SCARB2: variants seen among roughly 807,000 people sequenced by gnomAD.
SCARB2 encodes scavenger receptor class B member 2.
In SCARB2, 29 loss-of-function variants were observed where a neutral mutation model predicts 58.6. The ratio of observed to expected loss-of-function variants is 0.49; its 90% CI spans 0.37 to 0.67. The LOEUF (loss-of-function observed/expected upper bound fraction) is 0.67. SCARB2 is among the 30% of genes least tolerant of loss of function. SCARB2 has a pLI of 0.00. For missense variants in SCARB2, 488 were observed against 578.5 expected, an observed-to-expected ratio of 0.84 and a Z score of 1.60; for synonymous variants, 195 against 210.1, an observed-to-expected ratio of 0.93 and a Z score of 0.62.
intron 2 of SCARB2, among the ~76,000 whole-genome samples, chr4:76,182,332 T>C (rs1255951574): frequency 6.6e-6 from 1 of 152,204 alleles, no homozygotes; most frequent in African/African-American, 2.4e-5. Context: ...GTAAAATATA[T>C]ACAGAATTTC....
intron 3 of SCARB2, 110 bp downstream of exon 3, chr4:76,180,844 A>G (rs1184499261): frequency 3.5e-6 from 3 of 851,158 alleles, no homozygotes; most frequent in Non-Finnish European, 5.3e-6. Flanking sequence ...TTATATATGT[A>G]TATTTCAACA....
intron 1 of SCARB2, among the ~76,000 whole-genome samples, chr4:76,209,426 G>C (rs1732995057): frequency 1.3e-5 from 2 of 151,732 alleles, no homozygotes; most frequent in Non-Finnish European, 2.9e-5. Context: ...TGGAGTTCAA[G>C]GGAGCCATCT....
At chr4:76,197,663 A>G (rs1732741803) in intron 1 of SCARB2, among the ~76,000 whole-genome samples, 1 of 152,230 alleles carries the variant, frequency 6.6e-6, no homozygotes, top group African/African-American at 2.4e-5. Flanking sequence ...CTATCTGTTA[A>G]TGGAGAAAAG....
At chr4:76,187,778 T>G (rs1578728107) in intron 2 of SCARB2, among the ~76,000 whole-genome samples, 1 of 152,126 alleles carries the variant, frequency 6.6e-6, no homozygotes, top group Non-Finnish European at 1.5e-5. Flanking sequence ...TACTGCATTT[T>G]CAAGTTGATC....
intron 2 of SCARB2, among the ~76,000 whole-genome samples, chr4:76,183,377 G>A (rs1446327882): frequency 6.6e-6 from 1 of 152,304 alleles, no homozygotes; most frequent in South Asian, 2.1e-4. Context: ...CTGTGCTTCT[G>A]AACTAATGGC....
At chr4:76,184,715 G>A (rs1221395003) in intron 2 of SCARB2, 2 of 296,736 alleles carry the variant, frequency 6.7e-6, no homozygotes, top group Non-Finnish European at 1.3e-5. Context: ...CCAGGAGTTT[G>A]ACGTTACAGT....
At chr4:76,184,279 G>A (rs1240193399) in intron 2 of SCARB2, among the ~76,000 whole-genome samples, 2 of 152,108 alleles carry the variant, frequency 1.3e-5, no homozygotes, top group East Asian at 1.9e-4. Context: ...CCTAAGAAAC[G>A]CCTGTAGGAT....
intron 7 of SCARB2, 75 bp downstream of exon 7, chr4:76,174,069 C>CT (rs1732192528): frequency 6.3e-7 from 1 of 1,575,796 alleles, no homozygotes; most frequent in Non-Finnish European, 8.7e-7. Context: ...CTACGCCCAG[C>CT]TACATATTCT....
At position 76,159,298 on chromosome 4, in the gene SCARB2, T is replaced by C. The variant is rs1731844843; in HGVS notation, c.*2415A>G. 6.6e-6 allele frequency: 1 copy of C among 152,242 alleles called. No individual in the cohort carries two copies. The highest frequency in any genetic ancestry group is 2.4e-5 in the African/African-American group (1 of 41,464). 9.4% of individuals were successfully genotyped at this position (152,242 alleles called of 1,614,324 possible). Reference sequence around the variant, plus strand: ...CAAGAAAATGAGCATGAGAAATAATTCATCTTCAACTTAAAGCCAAATAGG... The same window carrying C: ...CAAGAAAATGAGCATGAGAAATAATCCATCTTCAACTTAAAGCCAAATAGG... On this transcript the variant is annotated 3_prime_UTR_variant, in exon 12 of 12. Transcript: ENST00000264896.
chr4:76,180,890 G>A (rs1261156005), intron 3 of SCARB2, 64 bp downstream of exon 3: 4 of 1,402,274 alleles, frequency 2.9e-6, no homozygotes, highest in Non-Finnish European at 4.0e-6. Context: ...ATCATAAAGA[G>A]CATTAACTTA....
At chr4:76,214,085 G>A, upstream of SCARB2, 1 of 351,490 alleles carries the variant, frequency 2.8e-6, no homozygotes, top group East Asian at 1.0e-4. Context: ...CGAAATTGCC[G>A]AACCTGGTTC....
At chr4:76,192,216 CAGA>C (rs1206462347) in intron 2 of SCARB2, 7 of 152,096 alleles carry the variant, frequency 4.6e-5, no homozygotes, top group Admixed American at 2.0e-4. Flanking sequence ...TTGGAGGGCT[CAGA>C]AGAAGACAAG....
intron 2 of SCARB2, 93 bp downstream of exon 2, chr4:76,195,613 GC>G: frequency 1.9e-6 from 2 of 1,056,854 alleles, no homozygotes; most frequent in South Asian, 1.3e-5. Flanking sequence ...CTCCCACACA[GC>G]CCTGGAGCCT....
intron 1 of SCARB2, among the ~76,000 whole-genome samples, chr4:76,225,309 A>G (rs1157084826): frequency 6.6e-6 from 1 of 152,110 alleles, no homozygotes; most frequent in African/African-American, 2.4e-5. Flanking sequence ...AGTCTTCAGC[A>G]TTTTCTAGGT....
At chr4:76,176,810 G>A in intron 4 of SCARB2, 2 of 302,892 alleles carry the variant, frequency 6.6e-6, no homozygotes, top group Non-Finnish European at 6.1e-6. Context: ...AATTCTGCCT[G>A]GATTTCCAGG....
intron 3 of SCARB2, chr4:76,180,063 A>AC (rs1486344188): frequency 1.4e-5 from 5 of 347,316 alleles, no homozygotes; most frequent in African/African-American, 8.5e-5. Context: ...TATAAACCCG[A>AC]CCTACACCCC....
intron 3 of SCARB2, chr4:76,180,400 AAG>A (rs1732357301): frequency 6.6e-6 from 1 of 152,066 alleles, no homozygotes; most frequent in South Asian, 2.1e-4. Flanking sequence ...TTTAAAAAAA[AAG>A]AAAGTCTCAT....
chr4:76,207,437 T>C (rs937448885), intron 1 of SCARB2, among the ~76,000 whole-genome samples: 5 of 152,230 alleles, frequency 3.3e-5, no homozygotes, highest in Non-Finnish European at 7.3e-5. Flanking sequence ...TCTTGTTTAG[T>C]GTTATATCCA....
At chr4:76,175,578 A>ATAAG (rs1331218730) in intron 6 of SCARB2, 75 of 597,420 alleles carry the variant, frequency 1.3e-4, no homozygotes, top group South Asian at 1.2e-3. Flanking sequence ...TCACACAGCT[A>ATAAG]TAAGTGGTAG....
Sources: gnomAD v4.1 joint callset for allele counts (sites outside exome capture counted in the v4.1 genomes callset) on GRCh38, gnomAD v4.1.1 for gene constraint, MANE v1.5 for transcripts, NCBI Gene and HGNC (gene_info 2026-07-23, HGNC 2026-07-21) for gene names.